SHISA6: variants seen among roughly 807,000 people sequenced by gnomAD.
SHISA6 encodes shisa family member 6.
A neutral mutation model predicts 47.9 loss-of-function variants in SHISA6; 22 were observed. That is an observed-to-expected ratio of 0.46 (90% CI 0.33 to 0.66). The LOEUF is 0.66. Among genes scored for constraint, SHISA6 ranks in the 30% least tolerant of loss-of-function variants. The probability of loss-of-function intolerance (pLI) is 0.02; values close to 1 mark genes in which losing one functional copy is unlikely to be tolerated. For synonymous variants in SHISA6, 388 were observed against 337.8 expected (o/e 1.15, Z -1.63); for missense variants, 680 against 764.6 (o/e 0.89, Z 1.30).
At chr17:11,331,128 C>A (rs113635004) in intron 2 of SHISA6, among the ~76,000 whole-genome samples, 1 of 152,180 alleles carries the variant, frequency 6.6e-6, no homozygotes, top group Non-Finnish European at 1.5e-5. Flanking sequence ...CCAGGGTGAT[C>A]GGCCTCTCCA....
chr17:11,318,007 G>T lies in SHISA6; in HGVS notation c.799+54481G>T, dbSNP rs78925213. Among the ~76,000 whole-genome samples, 828 of 152,122 alleles carry T rather than the reference G, an allele frequency of 5.4e-3. 10 individuals carry two copies. Among genetic ancestry groups the T allele is most frequent in the African/African-American group, 0.018 (766 of 41,502 alleles). On this transcript the variant is annotated intron_variant, in intron 2 of 5. Coordinates refer to ENST00000441885, the MANE Select transcript of SHISA6 (RefSeq NM_207386.4). ...CCTGGATTATTACACTTCTGCATTGGATTATTTTGCAGCAAATCACAGACA... is the reference window on the plus strand; with the variant it reads ...CCTGGATTATTACACTTCTGCATTGTATTATTTTGCAGCAAATCACAGACA...
chr17:11,457,682 A>G (rs377747399), intron 3 of SHISA6, among the ~76,000 whole-genome samples: 1 of 151,034 alleles, frequency 6.6e-6, no homozygotes, highest in Non-Finnish European at 1.5e-5. Context: ...TGGAGGTTGC[A>G]GTAAGCCGAG....
intron 1 of SHISA6, among the ~76,000 whole-genome samples, chr17:11,253,066 C>T (rs1907875136): frequency 6.6e-6 from 1 of 152,230 alleles, no homozygotes; most frequent in Non-Finnish European, 1.5e-5. Flanking sequence ...GGATCTCTTA[C>T]ACCTCTCCCT....
At chr17:11,556,143 C>T (rs958001436) in intron 5 of SHISA6, among the ~76,000 whole-genome samples, 1 of 152,152 alleles carries the variant, frequency 6.6e-6, no homozygotes, top group African/African-American at 2.4e-5. Context: ...GACGGCCTTC[C>T]AATTCATGCA....
At chr17:11,510,162 A>G (rs1234412513) in intron 3 of SHISA6, among the ~76,000 whole-genome samples, 1 of 151,334 alleles carries the variant, frequency 6.6e-6, no homozygotes, top group African/African-American at 2.4e-5. Flanking sequence ...TATATTACTC[A>G]CTGACCCCTT....
At chr17:11,327,527 C>G (rs901891615) in intron 2 of SHISA6, among the ~76,000 whole-genome samples, 3 of 152,132 alleles carry the variant, frequency 2.0e-5, no homozygotes, top group South Asian at 4.1e-4. Flanking sequence ...CAATATAAAT[C>G]CAGTAATACT....
intron 3 of SHISA6, among the ~76,000 whole-genome samples, chr17:11,456,494 A>G (rs1406628594): frequency 6.6e-6 from 1 of 151,712 alleles, no homozygotes; most frequent in Non-Finnish European, 1.5e-5. Context: ...CTAACTTAAG[A>G]CTCTTCCCTC....
At position 11,379,283 on chromosome 17, in the gene SHISA6, G is replaced by A. The variant is rs187648163; in HGVS notation, c.800-131G>A. The A allele has an allele frequency of 3.6e-4, 164 of 454,202 alleles. 3 individuals are homozygous for A. The highest frequency in any genetic ancestry group is 3.0e-3 in the African/African-American group (143 of 47,722). The allele number at this position is 454,202 out of a possible 1,614,324, so 28.1% of individuals were successfully genotyped here. A position where few individuals can be genotyped will look rare whatever the true frequency, so the allele number is the denominator to read the frequency against. ...TGTATGTGTATATATATTCTTGGCT[G>A]CCTCCACCTTCTGACTTAGCTGCTG... is the stretch of plus-strand genomic sequence containing the variant. On this transcript the variant is annotated intron_variant, in intron 2 of 5. Transcript: ENST00000441885.
chr17:11,248,935 C>T (rs954876887), intron 1 of SHISA6, among the ~76,000 whole-genome samples: 7 of 151,986 alleles, frequency 4.6e-5, no homozygotes, highest in South Asian at 2.1e-4. Flanking sequence ...GTCAGGAGAT[C>T]GAGACCATCC....
intron 2 of SHISA6, among the ~76,000 whole-genome samples, chr17:11,325,398 C>T (rs1257869147): frequency 6.6e-6 from 1 of 152,228 alleles, no homozygotes; most frequent in Non-Finnish European, 1.5e-5. Context: ...TACCCGAGGG[C>T]ATTGGGCAGC....
At chr17:11,439,755 T>C (rs568196974) in intron 3 of SHISA6, among the ~76,000 whole-genome samples, 8 of 152,332 alleles carry the variant, frequency 5.3e-5, no homozygotes, top group Admixed American at 5.2e-4. Context: ...AGTAATCACA[T>C]GCTTGCTCCT....
intron 2 of SHISA6, among the ~76,000 whole-genome samples, chr17:11,348,758 A>G (rs1272809118): frequency 6.6e-6 from 1 of 152,180 alleles, no homozygotes; most frequent in African/African-American, 2.4e-5. Context: ...TGTATATTTT[A>G]ACACTCGAGA....
chr17:11,278,917 G>T (rs1054564370), intron 2 of SHISA6, among the ~76,000 whole-genome samples: 2 of 152,182 alleles, frequency 1.3e-5, no homozygotes, highest in African/African-American at 4.8e-5. Context: ...CTGGGTGGCC[G>T]AGGCAGGCAG....
In SHISA6 at chr17:11,437,689, G is replaced by GAGGCACATTGCACTCTGGTGCTAA. The variant is rs1184775769; in HGVS notation, c.895+58202_895+58203insAAAGGCACATTGCACTCTGGTGCT. 3.9e-5 allele frequency among the ~76,000 whole-genome samples: 6 copies of GAGGCACATTGCACTCTGGTGCTAA among 152,296 alleles called. No individual in the cohort carries two copies. The East Asian group carries it at 1.2e-3, about 29-fold the overall frequency. On this transcript the variant is annotated intron_variant, in intron 3 of 5. Transcript: ENST00000441885. Reference sequence around the variant, plus strand: ...TCCAAGTTCTCAAAACAGAGCTCCTGAGGCACATTGCACTCTGGTGCTTAC... The same window carrying GAGGCACATTGCACTCTGGTGCTAA: ...TCCAAGTTCTCAAAACAGAGCTCCTGAGGCACATTGCACTCTGGTGCTAAAGGCACATTGCACTCTGGTGCTTAC...
rs1340766987 is a variant in SHISA6, at chr17:11,481,358, GTGTGTGTGTA to G, written c.896-70536_896-70527del. 3.3e-4 allele frequency among the ~76,000 whole-genome samples: 36 copies of G among 109,940 alleles called. 1 individual carries two copies. The highest frequency in any genetic ancestry group is 1.1e-3 in the African/African-American group (30 of 28,012). The allele number at this position is 109,940 out of a possible 152,430, so 72.1% of individuals were successfully genotyped here. ...TATATGTGTGTGTGTGTGTGTGTGT[GTGTGTGTGTA>G]TATATATATATATATATATTTAGAA... On this transcript the variant is annotated intron_variant, in intron 3 of 5. Transcript: ENST00000441885.
intron 3 of SHISA6, among the ~76,000 whole-genome samples, chr17:11,485,702 C>A (rs1916331421): frequency 6.6e-6 from 1 of 151,102 alleles, no homozygotes; most frequent in Non-Finnish European, 1.5e-5. Flanking sequence ...GAAGACCCAG[C>A]AAACAGGAAG....
chr17:11,426,659 T>C (rs959894517), intron 3 of SHISA6, among the ~76,000 whole-genome samples: 29 of 152,340 alleles, frequency 1.9e-4, no homozygotes, highest in African/African-American at 5.8e-4. Context: ...TCTCAAAACT[T>C]AATACGTCTA....
At position 11,555,724 on chromosome 17, in the gene SHISA6, C is replaced by A; in HGVS notation, c.953-16C>A. On this transcript the variant is annotated splice_polypyrimidine_tract_variant and intron_variant, in intron 4 of 5. Coordinates refer to ENST00000441885, the MANE Select transcript of SHISA6 (RefSeq NM_207386.4). ...TGGTCCTCATTAATACAAAACACCC[C>A]TCCCTTTTCTTGCAGAGAAGCCACG... The A allele has an allele frequency of 6.6e-7, 1 of 1,521,532 alleles. No homozygotes were observed. The highest frequency in any genetic ancestry group is 1.3e-5 in the South Asian group (1 of 78,362). 94.3% of individuals were successfully genotyped at this position (1,521,532 alleles called of 1,614,324 possible).
chr17:11,348,811 G>T (rs1264566077), intron 2 of SHISA6, among the ~76,000 whole-genome samples: 2 of 152,166 alleles, frequency 1.3e-5, no homozygotes, highest in East Asian at 3.9e-4. Context: ...TTTGTATCAA[G>T]ATTGCTCACT....
Sources: gnomAD v4.1 joint callset for allele counts (sites outside exome capture counted in the v4.1 genomes callset) on GRCh38, gnomAD v4.1.1 for gene constraint, MANE v1.5 for transcripts, NCBI Gene and HGNC (gene_info 2026-07-23, HGNC 2026-07-21) for gene names.